CDK17: variants seen among roughly 807,000 people sequenced by gnomAD.
The protein encoded by CDK17 is cyclin-dependent kinase 17.
Under a neutral mutation model 77.6 loss-of-function variants are expected in CDK17, and 24 were observed. That is an observed-to-expected ratio of 0.31 (90% CI 0.22 to 0.44). CDK17 has a LOEUF of 0.44. Among genes scored for constraint, CDK17 ranks in the 20% least tolerant of loss-of-function variants. CDK17 has a pLI of 1.00. For missense variants in CDK17, 429 were observed against 622.5 expected, an observed-to-expected ratio of 0.69 and a Z score of 3.31; for synonymous variants, 203 against 210.4, an observed-to-expected ratio of 0.96 and a Z score of 0.30.
At chr12:96,397,504 T>G (rs1954191235) in intron 1 of CDK17, among the ~76,000 whole-genome samples, 1 of 152,160 alleles carries the variant, frequency 6.6e-6, no homozygotes, top group Non-Finnish European at 1.5e-5. Flanking sequence ...AATCTAAGGA[T>G]GAGAATGATA....
At chr12:96,286,915 A>G (rs926702806) in intron 11 of CDK17, among the ~76,000 whole-genome samples, 154 bp from the exon 12 acceptor site, 2 of 152,188 alleles carry the variant, frequency 1.3e-5, no homozygotes, top group African/African-American at 4.8e-5. Flanking sequence ...ATTTGTTCGC[A>G]TTTACCCTAT....
chr12:96,380,359 G>A (rs1456450814), intron 1 of CDK17, among the ~76,000 whole-genome samples: 5 of 147,424 alleles, frequency 3.4e-5, no homozygotes, highest in African/African-American at 1.3e-4. Context: ...TCAGCTCACT[G>A]CAACCTCCGC....
At chr12:96,373,561 C>A (rs768903647) in intron 1 of CDK17, among the ~76,000 whole-genome samples, 55 of 151,890 alleles carry the variant, frequency 3.6e-4, no homozygotes, top group Non-Finnish European at 6.0e-4. Flanking sequence ...CGCCATTGCA[C>A]CCCAGCCTAG....
intron 5 of CDK17, among the ~76,000 whole-genome samples, chr12:96,300,801 T>C (rs1157097388): frequency 1.3e-5 from 2 of 152,224 alleles, no homozygotes; most frequent in South Asian, 2.1e-4. Context: ...AATCAAATGG[T>C]TGAATATCTA....
At chr12:96,328,875 G>A (rs1952928729) in intron 2 of CDK17, among the ~76,000 whole-genome samples, 1 of 152,256 alleles carries the variant, frequency 6.6e-6, no homozygotes, top group African/African-American at 2.4e-5. Flanking sequence ...TATAGACAGA[G>A]AAGAGATTGC....
Position 96,305,888 on chromosome 12 carries a change from T to C in CDK17, c.543+5164A>G, listed in dbSNP as rs186040175. On this transcript the variant is annotated intron_variant, in intron 5 of 16. Transcript: ENST00000261211. ...AGGTGTGCCACCACGCCTGGCTAGTTTTGTTAATTTTTTGTAAAGATGGAG... is the reference window on the plus strand; with the variant it reads ...AGGTGTGCCACCACGCCTGGCTAGTCTTGTTAATTTTTTGTAAAGATGGAG... 2.8e-3 allele frequency among the ~76,000 whole-genome samples: 419 copies of C among 152,188 alleles called. 1 individual carries two copies. Among genetic ancestry groups the C allele is most frequent in the Non-Finnish European group, 4.6e-3 (316 of 68,014 alleles).
intron 2 of CDK17, among the ~76,000 whole-genome samples, chr12:96,332,979 T>C (rs527376018): frequency 1.3e-5 from 2 of 152,304 alleles, no homozygotes; most frequent in East Asian, 1.9e-4. Flanking sequence ...ATCTTTTCTT[T>C]AGGAAAAGAG....
In CDK17 at chr12:96,296,891, A is replaced by G. The variant is rs556489506; in HGVS notation, c.873+379T>C. On this transcript the variant is annotated intron_variant, in intron 9 of 16. Transcript: ENST00000261211. ...ATTAGTTCTGAAAAGTTGTTGTTTT[A>G]CAATTAAATACCATTTATTTGGGGA... is the stretch of plus-strand genomic sequence containing the variant. Among the ~76,000 whole-genome samples the G allele has an allele frequency of 2.6e-5, 4 of 152,330 alleles. 1 individual carries two copies. The highest frequency in any genetic ancestry group is 9.6e-5 in the African/African-American group (4 of 41,592).
rs71097288 is a variant in CDK17 at position 96,394,882 on chromosome 12, A to ATT, written c.-30+5102_-30+5103dup. Among the ~76,000 whole-genome samples the ATT allele has an allele frequency of 8.0e-5, 12 of 149,122 alleles. No homozygotes were observed. In the South Asian group the frequency reaches 8.4e-4, roughly 10 times the overall value. Reference sequence around the variant, plus strand: ...TTATTATTTATTCAAAAAATCTATAATTTTTTTCCCCCGAGACAGAGTCTT... The same window carrying ATT: ...TTATTATTTATTCAAAAAATCTATAATTTTTTTTTCCCCCGAGACAGAGTCTT... On this transcript the variant is annotated intron_variant, in intron 1 of 16. Coordinates refer to ENST00000261211, the MANE Select transcript of CDK17 (RefSeq NM_002595.5).
chr12:96,340,371 G>A (rs1565826799), intron 1 of CDK17, among the ~76,000 whole-genome samples: 2 of 151,922 alleles, frequency 1.3e-5, no homozygotes, highest in Non-Finnish European at 2.9e-5. Context: ...AAAAGCAAGA[G>A]AAAAATACTT....
intron 1 of CDK17, among the ~76,000 whole-genome samples, chr12:96,353,601 G>A (rs1170585709): frequency 2.8e-5 from 2 of 72,048 alleles, no homozygotes; most frequent in Non-Finnish European, 7.4e-5. Flanking sequence ...AGTTTAAAAG[G>A]TGGCGGGGGG....
At chr12:96,292,588 G>C (rs1952340241) in intron 10 of CDK17, among the ~76,000 whole-genome samples, 1 of 152,078 alleles carries the variant, frequency 6.6e-6, no homozygotes, top group Non-Finnish European at 1.5e-5. Context: ...CAGGGTGACA[G>C]AGCAAGACCC....
At chr12:96,333,529 C>T (rs892759197) in intron 2 of CDK17, among the ~76,000 whole-genome samples, 1 of 152,010 alleles carries the variant, frequency 6.6e-6, no homozygotes, top group African/African-American at 2.4e-5. Context: ...AAAAACTTAG[C>T]TGGGCATGGT....
intron 1 of CDK17, among the ~76,000 whole-genome samples, chr12:96,381,048 G>A (rs901944819): frequency 6.6e-6 from 1 of 151,886 alleles, no homozygotes; most frequent in African/African-American, 2.4e-5. Flanking sequence ...CTCTTTCCTC[G>A]TCATGTTAAT....
At chr12:96,343,009 C>G (rs1342997413) in intron 1 of CDK17, among the ~76,000 whole-genome samples, 1 of 152,066 alleles carries the variant, frequency 6.6e-6, no homozygotes, top group Non-Finnish European at 1.5e-5. Context: ...GAGGCTGATT[C>G]TTTTCTTTTG....
intron 15 of CDK17, among the ~76,000 whole-genome samples, chr12:96,281,191 C>G (rs1952174262): frequency 6.6e-6 from 1 of 152,140 alleles, no homozygotes; most frequent in Non-Finnish European, 1.5e-5. Context: ...GAGACCCAGT[C>G]AAAATATATT....
In CDK17 at chr12:96,283,586, T is replaced by C. The variant is rs1177264156; in HGVS notation, c.1365+17A>G. ...GCTTAACAACCTATTTAACAATTAC[T>C]GTAAGAACTGACTTACCTGAAGAAA... On this transcript the variant is annotated intron_variant, in intron 14 of 16. Coordinates refer to ENST00000261211, the MANE Select transcript of CDK17 (RefSeq NM_002595.5). 1.3e-6 allele frequency: 2 copies of C among 1,523,092 alleles called. No individual in the cohort carries two copies. Among genetic ancestry groups the C allele is most frequent in the South Asian group, 1.1e-5 (1 of 88,302 alleles). The allele number at this position is 1,523,092 out of a possible 1,614,324, so 94.3% of individuals were successfully genotyped here.
At chr12:96,347,735 A>G (rs953016421) in intron 1 of CDK17, among the ~76,000 whole-genome samples, 1 of 152,096 alleles carries the variant, frequency 6.6e-6, no homozygotes, top group Non-Finnish European at 1.5e-5. Context: ...ACTCCACCTA[A>G]CAAGCAGAAT....
At chr12:96,324,376 T>C (rs1264446723) in intron 2 of CDK17, among the ~76,000 whole-genome samples, 1 of 152,206 alleles carries the variant, frequency 6.6e-6, no homozygotes, top group Non-Finnish European at 1.5e-5. Context: ...AAACTACTAA[T>C]ATACCCAACC....
Sources: allele counts gnomAD v4.1 joint callset (sites outside exome capture counted in the v4.1 genomes callset), GRCh38; gene constraint gnomAD v4.1.1; transcripts MANE v1.5; gene names NCBI Gene and HGNC (gene_info 2026-07-23, HGNC 2026-07-21).